The following GPHN variants were observed in gnomAD, a reference collection of about 807,000 sequenced individuals.
The protein encoded by GPHN is gephyrin.
In GPHN, 17 loss-of-function variants were observed where a neutral mutation model predicts 95.5. That is an observed-to-expected ratio of 0.18 (90% CI 0.12 to 0.27). The LOEUF is 0.27. Among genes scored for constraint, GPHN ranks in the 10% least tolerant of loss-of-function variants. The pLI is 1.00. For missense variants in GPHN, 660 were observed against 978.1 expected (o/e 0.67, Z 4.34); for synonymous variants, 320 against 322.5 (o/e 0.99, Z 0.08).
chr14:66,750,865 G>T (rs1399447729), intron 2 of GPHN, among the ~76,000 whole-genome samples: 1 of 151,884 alleles, frequency 6.6e-6, no homozygotes, highest in African/African-American at 2.4e-5. Context: ...AGCAAACGAG[G>T]TAAGTTGGCA....
chr14:67,713,383 A>G, the GPHN span, among the ~76,000 whole-genome samples: 1 of 148,260 alleles, frequency 6.7e-6, no homozygotes, highest in Non-Finnish European at 1.5e-5. Context: ...TCTTGTTGAA[A>G]GCAAGTAAAA....
chr14:66,714,604 G>T (rs1278782580), intron 2 of GPHN, among the ~76,000 whole-genome samples: 1 of 152,162 alleles, frequency 6.6e-6, no homozygotes, highest in Non-Finnish European at 1.5e-5. Flanking sequence ...TGTTATGTCG[G>T]CTGTGGGTTT....
At chr14:66,528,930 G>A (rs1226869601) in intron 1 of GPHN, among the ~76,000 whole-genome samples, 3 of 152,108 alleles carry the variant, frequency 2.0e-5, no homozygotes, top group South Asian at 2.1e-4. Flanking sequence ...TGAATCTGTC[G>A]ATTATGTGTC....
At chr14:67,729,152 G>A in the GPHN span, 1 of 1,602,572 alleles carries the variant, frequency 6.2e-7, no homozygotes, top group Non-Finnish European at 8.5e-7. Flanking sequence ...CCTGGGCTCA[G>A]AGTGTGTCCC....
the GPHN span, chr14:67,649,074 AGTG>A: frequency 6.6e-6 from 1 of 152,222 alleles, no homozygotes. Context: ...AGATGTTGCC[AGTG>A]GTCCTTAGGT....
At chr14:67,596,563 C>G in the GPHN span, among the ~76,000 whole-genome samples, 1 of 152,128 alleles carries the variant, frequency 6.6e-6, no homozygotes, top group Non-Finnish European at 1.5e-5. Context: ...TTTGCACTGA[C>G]AAGATGCCCT....
the GPHN span, chr14:67,692,355 G>A: frequency 1.0e-5 from 15 of 1,468,208 alleles, no homozygotes; most frequent in Admixed American, 2.9e-4. Context: ...ACTTCTATGA[G>A]GAAGAGGGAC....
At chr14:66,637,150 G>C (rs1350698212) in intron 1 of GPHN, among the ~76,000 whole-genome samples, 1 of 152,026 alleles carries the variant, frequency 6.6e-6, no homozygotes, top group African/African-American at 2.4e-5. Flanking sequence ...TCAATTCATT[G>C]GTTATTGATA....
the GPHN span, among the ~76,000 whole-genome samples, chr14:67,263,670 A>G: frequency 3.3e-5 from 5 of 152,172 alleles, no homozygotes. Context: ...GACCTCGAAA[A>G]ACAACTTAAC....
chr14:67,501,959 G>A, the GPHN span, among the ~76,000 whole-genome samples: 1 of 152,112 alleles, frequency 6.6e-6, no homozygotes, highest in Non-Finnish European at 1.5e-5. Flanking sequence ...AAAATCTTTT[G>A]GTTTTATAGT....
At chr14:67,040,797 A>G (rs1209443590) in intron 10 of GPHN, among the ~76,000 whole-genome samples, 1 of 152,160 alleles carries the variant, frequency 6.6e-6, no homozygotes, top group Non-Finnish European at 1.5e-5. Context: ...GTGATGTTGT[A>G]TCTTTCTCAG....
chr14:66,545,796 C>T (rs1420934900), intron 1 of GPHN, among the ~76,000 whole-genome samples: 8 of 141,810 alleles, frequency 5.6e-5, no homozygotes, highest in South Asian at 2.3e-4. Context: ...CTCCTCACTT[C>T]CCAGTAGGGG....
At chr14:66,777,503 G>T (rs559312593) in intron 3 of GPHN, among the ~76,000 whole-genome samples, 193 of 152,116 alleles carry the variant, frequency 1.3e-3, no homozygotes, top group African/African-American at 4.6e-3. Flanking sequence ...TACCAAAGCC[G>T]GGCAGAGACA....
intron 3 of GPHN, among the ~76,000 whole-genome samples, chr14:66,817,932 A>G (rs2061043794): frequency 6.6e-6 from 1 of 152,210 alleles, no homozygotes; most frequent in African/African-American, 2.4e-5. Flanking sequence ...AGGGTTGTAG[A>G]AATAGACCCC....
At chr14:66,626,682 G>A (rs1369375742) in intron 1 of GPHN, among the ~76,000 whole-genome samples, 1 of 152,032 alleles carries the variant, frequency 6.6e-6, no homozygotes, top group Admixed American at 6.6e-5. Flanking sequence ...AATGAGGATG[G>A]AAGTAGTATA....
chr14:66,808,571 C>T (rs996597840), intron 3 of GPHN, among the ~76,000 whole-genome samples: 4 of 152,136 alleles, frequency 2.6e-5, no homozygotes, highest in South Asian at 4.1e-4. Context: ...GAGGCCGAGG[C>T]GAGGATTACG....
Position 67,100,842 on chromosome 14 carries a change from G to C in GPHN, c.1238-14G>C, listed in dbSNP as rs367575676. 4 of 1,583,236 alleles carry C rather than the reference G, an allele frequency of 2.5e-6. No individual in the cohort carries two copies. The highest frequency in any genetic ancestry group is 3.5e-6 in the Non-Finnish European group (4 of 1,151,778). On this transcript the variant is annotated splice_polypyrimidine_tract_variant and intron_variant, in intron 12 of 22. Coordinates refer to ENST00000478722, the MANE Select transcript of GPHN (RefSeq NM_020806.5). ...CATACTGATGTTTGTTCTTGGCTCT[G>C]TTCCATCTCACAGCTGCTGATGGCC... is the stretch of plus-strand genomic sequence containing the variant.
chr14:67,342,557 C>CTTTTTTTTTT, the GPHN span, among the ~76,000 whole-genome samples: 3 of 136,990 alleles, frequency 2.2e-5, no homozygotes, highest in South Asian at 4.6e-4. Flanking sequence ...ACGAATTATC[C>CTTTTTTTTTT]TTTTTTTTTT....
At chr14:67,674,546 T>TAGCCCGGCGGTCAGCCGCCC in the GPHN span, 2 of 1,465,018 alleles carry the variant, frequency 1.4e-6, no homozygotes, top group Non-Finnish European at 9.1e-7. Context: ...GGCCCTTTCC[T>TAGCCCGGCGGTCAGCCGCCC]AGCCCGGCGG....
Sources: gnomAD v4.1 joint callset for allele counts (sites outside exome capture counted in the v4.1 genomes callset) on GRCh38, gnomAD v4.1.1 for gene constraint, MANE v1.5 for transcripts, NCBI Gene and HGNC (gene_info 2026-07-23, HGNC 2026-07-21) for gene names.